The following PHTF2 variants were observed in gnomAD, a reference collection of about 807,000 sequenced individuals.
PHTF2 encodes protein PHTF2.
PHTF2 carries 60 observed loss-of-function variants against 101.2 expected under a neutral mutation model. That is an observed-to-expected ratio of 0.59 (90% CI 0.48 to 0.73). The LOEUF (loss-of-function observed/expected upper bound fraction) is 0.73. Ranked by LOEUF, PHTF2 falls within the 30% of genes least tolerant of loss-of-function variation. The pLI, the probability that PHTF2 is intolerant of heterozygous loss-of-function variation, is 0.00. For missense variants in PHTF2, 747 were observed against 908.7 expected (o/e 0.82, Z 2.29); for synonymous variants, 311 against 307.3 (o/e 1.01, Z -0.13).
intron 3 of PHTF2, among the ~76,000 whole-genome samples, chr7:77,872,983 G>T (rs1798641389): frequency 6.6e-6 from 1 of 151,958 alleles, no homozygotes; most frequent in Non-Finnish European, 1.5e-5. Flanking sequence ...AGACTAGAGT[G>T]CAGTGGCACG....
chr7:77,819,363 C>T (rs62460744), intron 1 of PHTF2, among the ~76,000 whole-genome samples: 32,473 of 152,188 alleles, frequency 0.21, 3,884 homozygotes, highest in South Asian at 0.28. Context: ...ATGATGTTAG[C>T]TTTGGCTTTG....
At chr7:77,906,056 C>T (rs1019516940) in intron 7 of PHTF2, among the ~76,000 whole-genome samples, 1 of 152,140 alleles carries the variant, frequency 6.6e-6, no homozygotes, top group Admixed American at 6.5e-5. Context: ...AGCATGATCT[C>T]GGTTCACTGC....
At chr7:77,827,937 C>G (rs1366798664) in intron 1 of PHTF2, among the ~76,000 whole-genome samples, 1 of 152,160 alleles carries the variant, frequency 6.6e-6, no homozygotes, top group South Asian at 2.1e-4. Flanking sequence ...AGCCACGGAG[C>G]CCAGCCTCAA....
At chr7:77,910,487 A>ATAT in intron 9 of PHTF2, 78 bp downstream of exon 8, 1 of 969,034 alleles carries the variant, frequency 1.0e-6, no homozygotes, top group Non-Finnish European at 1.5e-6. Flanking sequence ...CAGGTAATGA[A>ATAT]TATTAATTAC....
intron 1 of PHTF2, among the ~76,000 whole-genome samples, chr7:77,816,415 G>A (rs1405732138): frequency 6.6e-6 from 1 of 152,042 alleles, no homozygotes; most frequent in African/African-American, 2.4e-5. Context: ...TAGTACATGG[G>A]TCCAGGACAG....
intron 3 of PHTF2, among the ~76,000 whole-genome samples, chr7:77,858,940 A>C (rs1160498980): frequency 1.3e-5 from 2 of 152,204 alleles, no homozygotes; most frequent in Non-Finnish European, 2.9e-5. Flanking sequence ...TTCACCATTC[A>C]TGAGTCCAGA....
At chr7:77,901,840 T>C in exon 7 of PHTF2, 1 of 1,599,600 alleles carries the variant, frequency 6.3e-7, no homozygotes, top group South Asian at 1.1e-5. Flanking sequence ...GTTGTATTTT[T>C]CCCCTTTTTC....
intron 1 of PHTF2, among the ~76,000 whole-genome samples, chr7:77,826,773 C>T (rs1431497280): frequency 4.6e-5 from 7 of 152,202 alleles, no homozygotes; most frequent in Admixed American, 4.6e-4. Flanking sequence ...TTAGCAGTCT[C>T]TGCCATGCCA....
intron 3 of PHTF2, among the ~76,000 whole-genome samples, chr7:77,868,971 C>T (rs760517469): frequency 6.6e-6 from 1 of 151,998 alleles, no homozygotes; most frequent in Non-Finnish European, 1.5e-5. Flanking sequence ...AGATCCTATT[C>T]GTACTTTATT....
At chr7:77,949,081 A>T (rs1250553245) in intron 16 of PHTF2, among the ~76,000 whole-genome samples, 2 of 151,726 alleles carry the variant, frequency 1.3e-5, no homozygotes, top group East Asian at 3.9e-4. Flanking sequence ...CTGGCCAATA[A>T]ATTGTGGCTG....
At chr7:77,949,078 A>G (rs950956627) in intron 16 of PHTF2, among the ~76,000 whole-genome samples, 1 of 151,888 alleles carries the variant, frequency 6.6e-6, no homozygotes, top group African/African-American at 2.4e-5. Flanking sequence ...TTACTGGCCA[A>G]TAAATTGTGG....
intron 10 of PHTF2, among the ~76,000 whole-genome samples, chr7:77,921,750 A>G (rs117307867): frequency 0.022 from 3,360 of 152,308 alleles, 49 homozygotes; most frequent in Middle Eastern, 0.068. Context: ...TATGAGGAAC[A>G]TGAAAATATC....
At chr7:77,935,941 T>C (rs1805087376) in intron 12 of PHTF2, among the ~76,000 whole-genome samples, 1 of 152,246 alleles carries the variant, frequency 6.6e-6, no homozygotes, top group Non-Finnish European at 1.5e-5. Context: ...TGGTACAGAT[T>C]ATTTCTTTCC....
chr7:77,893,949 T>C (rs1220192907), intron 4 of PHTF2, 33 bp from the exon 4 acceptor site: 1 of 1,561,656 alleles, frequency 6.4e-7, no homozygotes, highest in East Asian at 2.2e-5. Flanking sequence ...GTTTGCTTTT[T>C]CTCCCTTTTG....
intron 3 of PHTF2, among the ~76,000 whole-genome samples, chr7:77,892,290 A>G (rs76641752): frequency 6.6e-6 from 1 of 152,016 alleles, no homozygotes; most frequent in Non-Finnish European, 1.5e-5. Context: ...ACTCTATCTC[A>G]AAAAAAAGAA....
chr7:77,870,427 A>G (rs1402922045), intron 3 of PHTF2, among the ~76,000 whole-genome samples: 3 of 152,204 alleles, frequency 2.0e-5, no homozygotes, highest in Non-Finnish European at 2.9e-5. Context: ...AAGAACTTGG[A>G]ATCCGCTGTT....
intron 5 of PHTF2, among the ~76,000 whole-genome samples, chr7:77,897,488 G>C (rs1800980960): frequency 1.3e-5 from 2 of 151,264 alleles, no homozygotes; most frequent in African/African-American, 4.9e-5. Context: ...CTACTTTCTA[G>C]TTTGTGCATA....
At chr7:77,818,901 T>A (rs143882161) in intron 1 of PHTF2, among the ~76,000 whole-genome samples, 101 of 152,080 alleles carry the variant, frequency 6.6e-4, no homozygotes, top group African/African-American at 2.3e-3. Flanking sequence ...TTTGTTTGTA[T>A]CCTCTTCAGT....
chr7:77,816,069 G>A (rs1793828586), intron 1 of PHTF2, among the ~76,000 whole-genome samples: 1 of 151,744 alleles, frequency 6.6e-6, no homozygotes, highest in South Asian at 2.1e-4. Context: ...TTTATATATT[G>A]GAATAACTTT....
Sources: allele counts gnomAD v4.1 joint callset (sites outside exome capture counted in the v4.1 genomes callset), GRCh38; gene constraint gnomAD v4.1.1; transcripts MANE v1.5; gene names NCBI Gene and HGNC (gene_info 2026-07-23, HGNC 2026-07-21).